Variants in SLC13A3 observed in about 807,000 individuals in gnomAD.
The protein encoded by SLC13A3 is Na(+)/dicarboxylate cotransporter 3.
SLC13A3 carries 40 observed loss-of-function variants against 59.0 expected under a neutral mutation model. The ratio of observed to expected loss-of-function variants is 0.68; its 90% CI spans 0.53 to 0.88. The LOEUF is 0.88. SLC13A3 is among the 40% of genes least tolerant of loss of function. The pLI is 0.00. For synonymous variants in SLC13A3, 317 were observed against 330.3 expected, an observed-to-expected ratio of 0.96 and a Z score of 0.44; for missense variants, 699 against 783.2, an observed-to-expected ratio of 0.89 and a Z score of 1.28.
intron 1 of SLC13A3, among the ~76,000 whole-genome samples, chr20:46,643,345 A>C (rs1363038847): frequency 6.6e-6 from 1 of 152,174 alleles, no homozygotes; most frequent in Non-Finnish European, 1.5e-5. Context: ...ATAGGGTCTA[A>C]AGATAGGGGC....
At chr20:46,677,712 AAG>A (rs2063134491) in intron 1 of SLC13A3, among the ~76,000 whole-genome samples, 1 of 152,176 alleles carries the variant, frequency 6.6e-6, no homozygotes, top group Non-Finnish European at 1.5e-5. Flanking sequence ...GACAAGTAAC[AAG>A]AGGAGTAAGA....
chr20:46,572,219 G>A (rs12625008), intron 10 of SLC13A3, among the ~76,000 whole-genome samples: 12,861 of 152,252 alleles, frequency 0.084, 788 homozygotes, highest in East Asian at 0.24. Context: ...ATCCTCAGGA[G>A]GCTGCCAGGC....
intron 1 of SLC13A3, among the ~76,000 whole-genome samples, chr20:46,668,651 C>G (rs1456782854): frequency 6.6e-6 from 1 of 152,206 alleles, no homozygotes; most frequent in Non-Finnish European, 1.5e-5. Flanking sequence ...ATGAAGATGA[C>G]TACACTGAAC....
At chr20:46,651,887 C>T (rs2062954788), upstream of SLC13A3, among the ~76,000 whole-genome samples, 2 of 152,236 alleles carry the variant, frequency 1.3e-5, no homozygotes, top group Non-Finnish European at 2.9e-5. Context: ...ATAGTCTACA[C>T]CATGGAATAC....
chr20:46,637,986 G>A lies in SLC13A3; in HGVS notation c.111+13325C>T, dbSNP rs1239415748. Among the ~76,000 whole-genome samples the A allele has an allele frequency of 3.3e-5, 5 of 152,188 alleles. No individual in the cohort carries two copies. In the East Asian group the frequency reaches 7.7e-4, roughly 23 times the overall value. On this transcript the variant is annotated intron_variant, in intron 1 of 12. Coordinates refer to ENST00000279027, the MANE Select transcript of SLC13A3 (RefSeq NM_022829.6). ...GGTTCCATATCAAGAAAAAAGTCAG[G>A]AGCAGGAAGCGGTTGATGTCTGGTT... is the stretch of plus-strand genomic sequence containing the variant.
In SLC13A3 at chr20:46,613,513, C is replaced by G; in HGVS notation, c.324G>C (p.Leu108=). 2 of 1,612,584 alleles carry G rather than the reference C, an allele frequency of 1.2e-6. No individual in the cohort carries two copies. Among genetic ancestry groups the G allele is most frequent in the Non-Finnish European group, 1.7e-6 (2 of 1,179,244 alleles). Residue 108 remains leucine (L), a synonymous_variant, in exon 2 of 13, where the codon CTG becomes CTC. Coordinates refer to ENST00000279027, the MANE Select transcript of SLC13A3 (RefSeq NM_022829.6). The part of the protein sequence containing the change: ...IMASAIEEWN[L]HRRIALKILM... ...GGATCTTGAGGGCGATTCGCCGGTG[C>G]AGGTTCCACTCCTCAATGGCGCTGG...
intron 5 of SLC13A3, among the ~76,000 whole-genome samples, chr20:46,592,938 G>T (rs1375629614): frequency 2.0e-5 from 3 of 152,204 alleles, no homozygotes; most frequent in Non-Finnish European, 4.4e-5. Context: ...TTGAAATTAT[G>T]TGATGTTTAA....
intron 12 of SLC13A3, among the ~76,000 whole-genome samples, chr20:46,562,255 T>G (rs1013857338): frequency 6.6e-6 from 1 of 152,176 alleles, no homozygotes; most frequent in Admixed American, 6.5e-5. Context: ...AAGTCTGTCC[T>G]GTCCCCGCTG....
chr20:46,589,531 A>G (rs572665441), intron 6 of SLC13A3, among the ~76,000 whole-genome samples: 43 of 152,352 alleles, frequency 2.8e-4, no homozygotes, highest in Non-Finnish European at 2.9e-4. Flanking sequence ...ACAGGAATCA[A>G]TGGAACAAAA....
At chr20:46,654,610 A>G (rs1403227724), upstream of SLC13A3, among the ~76,000 whole-genome samples, 3 of 151,876 alleles carry the variant, frequency 2.0e-5, no homozygotes, top group Non-Finnish European at 4.4e-5. Context: ...GCTCACTGCA[A>G]CCTCCGCCTT....
chr20:46,600,257 G>GAAGGAAAGGAAAGGAAAGTA (rs2062359608), intron 3 of SLC13A3, among the ~76,000 whole-genome samples: 1 of 125,852 alleles, frequency 7.9e-6, no homozygotes, highest in Non-Finnish European at 1.7e-5. Flanking sequence ...ATGGAGGAAG[G>GAAGGAAAGGAAAGGAAAGTA]AAGGAAAGGA....
intron 1 of SLC13A3, among the ~76,000 whole-genome samples, chr20:46,680,950 C>T (rs939782483): frequency 6.6e-6 from 1 of 152,176 alleles, no homozygotes; most frequent in Admixed American, 6.5e-5. Flanking sequence ...CAGAGAGGTA[C>T]AAGGAGGGGA....
intron 1 of SLC13A3, among the ~76,000 whole-genome samples, chr20:46,639,012 C>T (rs575582077): frequency 2.6e-5 from 4 of 152,322 alleles, no homozygotes; most frequent in South Asian, 4.1e-4. Flanking sequence ...ACAGTAGGTG[C>T]TTTGTCCCTG....
chr20:46,663,957 G>A (rs562294354), intron 1 of SLC13A3, among the ~76,000 whole-genome samples: 17 of 152,256 alleles, frequency 1.1e-4, no homozygotes, highest in African/African-American at 3.4e-4. Context: ...AGGAGTTGTC[G>A]ACAATGTGAG....
At chr20:46,670,068 T>C (rs1352962545) in exon 1 of SLC13A3, 1 of 152,158 alleles carries the variant, frequency 6.6e-6, no homozygotes, top group Non-Finnish European at 1.5e-5. Flanking sequence ...GAAGGTGCAC[T>C]GGGAGGCTTG....
chr20:46,639,089 T>C (rs947247808), intron 1 of SLC13A3, among the ~76,000 whole-genome samples: 1 of 151,916 alleles, frequency 6.6e-6, no homozygotes, highest in Non-Finnish European at 1.5e-5. Context: ...ATTTCACAGA[T>C]GAAGAAACTG....
intron 12 of SLC13A3, among the ~76,000 whole-genome samples, chr20:46,562,392 C>T (rs1052155174): frequency 1.2e-4 from 18 of 152,104 alleles, no homozygotes; most frequent in Admixed American, 7.8e-4. Context: ...ACCTGCTGTG[C>T]CCTCCATTGG....
chr20:46,672,881 G>A (rs898995301), upstream of SLC13A3, among the ~76,000 whole-genome samples: 8 of 152,138 alleles, frequency 5.3e-5, no homozygotes, highest in African/African-American at 1.9e-4. Flanking sequence ...CCCCAGATGA[G>A]TTCATCTGAA....
chr20:46,607,061 G>A (rs2062443710), intron 3 of SLC13A3, among the ~76,000 whole-genome samples: 1 of 152,214 alleles, frequency 6.6e-6, no homozygotes, highest in South Asian at 2.1e-4. Context: ...GTGCTTATAA[G>A]CACAGATTCT....
Sources: allele counts gnomAD v4.1 joint callset (sites outside exome capture counted in the v4.1 genomes callset), GRCh38; gene constraint gnomAD v4.1.1; transcripts MANE v1.5; gene names NCBI Gene and HGNC (gene_info 2026-07-23, HGNC 2026-07-21).